The following PTPRD variants were observed in gnomAD, a reference collection of about 807,000 sequenced individuals.
The protein encoded by PTPRD is protein tyrosine phosphatase receptor type D.
In PTPRD, 34 loss-of-function variants were observed where a neutral mutation model predicts 214.5. That is an observed-to-expected ratio of 0.16 (90% CI 0.12 to 0.21). The LOEUF (loss-of-function observed/expected upper bound fraction) is 0.21, where lower values mean the gene tolerates loss of function less well. Among genes scored for constraint, PTPRD ranks in the 10% least tolerant of loss-of-function variants. PTPRD has a pLI of 1.00. For synonymous variants in PTPRD, 1,128 were observed against 845.7 expected (o/e 1.33, Z -5.79); for missense variants, 2,545 against 2,398.7 (o/e 1.06, Z -1.27).
At chr9:10,611,916 C>T (rs201136713) in intron 2 of PTPRD, among the ~76,000 whole-genome samples, 62 of 91,562 alleles carry the variant, frequency 6.8e-4, no homozygotes, top group Admixed American at 7.6e-4. Flanking sequence ...CCCCCCCCCC[C>T]TTTTTTTTTC....
At chr9:9,697,886 C>G (rs981056823) in intron 7 of PTPRD, among the ~76,000 whole-genome samples, 1 of 152,056 alleles carries the variant, frequency 6.6e-6, no homozygotes, top group Non-Finnish European at 1.5e-5. Context: ...AATAGCCTGT[C>G]TTTGAGCTCA....
chr9:10,210,167 A>C (rs1056018043), intron 3 of PTPRD, among the ~76,000 whole-genome samples: 9 of 152,222 alleles, frequency 5.9e-5, no homozygotes, highest in African/African-American at 2.2e-4. Flanking sequence ...CTATTAAAAT[A>C]CAATTGTGAA....
intron 8 of PTPRD, among the ~76,000 whole-genome samples, chr9:9,438,996 A>G (rs1451836314): frequency 6.6e-6 from 1 of 152,156 alleles, no homozygotes; most frequent in African/African-American, 2.4e-5. Context: ...TATATGAAAT[A>G]ATACACTCAA....
chr9:8,812,262 A>T (rs2096824348), intron 11 of PTPRD, among the ~76,000 whole-genome samples: 1 of 152,228 alleles, frequency 6.6e-6, no homozygotes, highest in South Asian at 2.1e-4. Flanking sequence ...AGATAGATGT[A>T]CATATATATT....
chr9:10,467,715 T>C (rs1165462862), intron 2 of PTPRD, among the ~76,000 whole-genome samples: 1 of 152,184 alleles, frequency 6.6e-6, no homozygotes, highest in Non-Finnish European at 1.5e-5. Context: ...CAAATTGTAA[T>C]GGAGTAGAGA....
chr9:9,703,517 A>G (rs2097540638), intron 7 of PTPRD, among the ~76,000 whole-genome samples: 1 of 152,192 alleles, frequency 6.6e-6, no homozygotes, highest in Non-Finnish European at 1.5e-5. Flanking sequence ...AGACTTATGG[A>G]ATCGTCATCT....
At chr9:9,982,723 G>A (rs115780847) in intron 4 of PTPRD, among the ~76,000 whole-genome samples, 1,849 of 151,620 alleles carry the variant, frequency 0.012, 44 homozygotes, top group African/African-American at 0.043. Flanking sequence ...TATCTGTTAA[G>A]GTCTCAGAGC....
At chr9:9,663,751 G>A (rs1448363205) in intron 7 of PTPRD, among the ~76,000 whole-genome samples, 1 of 151,456 alleles carries the variant, frequency 6.6e-6, no homozygotes, top group Non-Finnish European at 1.5e-5. Flanking sequence ...GCTGTATTAA[G>A]TGATATATAC....
chr9:9,786,921 G>A (rs943735285), intron 5 of PTPRD, among the ~76,000 whole-genome samples: 3 of 152,140 alleles, frequency 2.0e-5, no homozygotes, highest in African/African-American at 7.2e-5. Flanking sequence ...GAGGCAGGTG[G>A]ATCAGGAGTT....
At chr9:9,430,082 T>C (rs2082504394) in intron 8 of PTPRD, among the ~76,000 whole-genome samples, 1 of 152,082 alleles carries the variant, frequency 6.6e-6, no homozygotes, top group Admixed American at 6.5e-5. Context: ...AGATAAAGGG[T>C]ATTCACTTAG....
chr9:9,343,482 G>A (rs997632901), intron 9 of PTPRD, among the ~76,000 whole-genome samples: 1 of 152,130 alleles, frequency 6.6e-6, no homozygotes, highest in Non-Finnish European at 1.5e-5. Context: ...CAGTGATGAT[G>A]AGCTTTTTTT....
chr9:9,174,345 A>G (rs919489177), intron 10 of PTPRD, among the ~76,000 whole-genome samples: 5 of 152,164 alleles, frequency 3.3e-5, no homozygotes, highest in Non-Finnish European at 1.5e-5. Context: ...CATATCCACA[A>G]TTACCCATTT....
chr9:9,050,261 G>A (rs908261475), intron 10 of PTPRD, among the ~76,000 whole-genome samples: 4 of 152,060 alleles, frequency 2.6e-5, no homozygotes, highest in Non-Finnish European at 4.4e-5. Flanking sequence ...AAAACTAGTC[G>A]ATAAAACTAG....
intron 14 of PTPRD, among the ~76,000 whole-genome samples, chr9:8,560,625 G>T (rs2085844593): frequency 6.6e-6 from 1 of 152,138 alleles, no homozygotes; most frequent in Non-Finnish European, 1.5e-5. Flanking sequence ...AGATGACATA[G>T]CAATGGAAAG....
At chr9:10,131,412 T>C (rs1353643038) in intron 3 of PTPRD, among the ~76,000 whole-genome samples, 1 of 152,174 alleles carries the variant, frequency 6.6e-6, no homozygotes, top group Non-Finnish European at 1.5e-5. Flanking sequence ...ATAAAGCCTG[T>C]ATTGTCAAGT....
chr9:9,339,320 T>TAA (rs558687690), intron 9 of PTPRD, among the ~76,000 whole-genome samples: 113 of 140,006 alleles, frequency 8.1e-4, no homozygotes, highest in East Asian at 7.8e-3. Context: ...TACTAAAAAT[T>TAA]AAAAAAAAAA....
At chr9:8,674,305 A>G (rs2097353445) in intron 12 of PTPRD, among the ~76,000 whole-genome samples, 2 of 151,966 alleles carry the variant, frequency 1.3e-5, no homozygotes, top group Non-Finnish European at 2.9e-5. Context: ...TAAAAACACA[A>G]AAATTAGCTG....
chr9:10,040,622 T>C (rs1447737962), intron 3 of PTPRD, among the ~76,000 whole-genome samples: 2 of 152,066 alleles, frequency 1.3e-5, no homozygotes, highest in Non-Finnish European at 2.9e-5. Context: ...GACTTGTTTA[T>C]GGAACTCACA....
intron 5 of PTPRD, among the ~76,000 whole-genome samples, chr9:9,909,390 G>A (rs79679803): frequency 6.7e-6 from 1 of 150,150 alleles, no homozygotes; most frequent in Non-Finnish European, 1.5e-5. Context: ...GCAGCTGCTA[G>A]GAAGTAATAT....
Sources: allele counts gnomAD v4.1 joint callset (sites outside exome capture counted in the v4.1 genomes callset), GRCh38; gene constraint gnomAD v4.1.1; transcripts MANE v1.5; gene names NCBI Gene and HGNC (gene_info 2026-07-23, HGNC 2026-07-21).